Variants in EPHA3 observed in about 807,000 individuals in gnomAD.
EPHA3 encodes ephrin type-A receptor 3.
Under a neutral mutation model 107.1 loss-of-function variants are expected in EPHA3, and 42 were observed. The ratio of observed to expected loss-of-function variants is 0.39; its 90% CI spans 0.31 to 0.51. The LOEUF (loss-of-function observed/expected upper bound fraction) is 0.51. EPHA3 is among the 20% of genes least tolerant of loss of function. EPHA3 has a pLI of 0.78. For synonymous variants in EPHA3, 461 were observed against 424.8 expected (o/e 1.09, Z -1.05); for missense variants, 1,183 against 1,211.2 (o/e 0.98, Z 0.35).
intron 7 of EPHA3, among the ~76,000 whole-genome samples, chr3:89,405,804 G>T: frequency 6.6e-6 from 1 of 152,140 alleles, no homozygotes; most frequent in East Asian, 1.9e-4. Context: ...GAGCATAAAA[G>T]AGGCTGTTCC....
intron 2 of EPHA3, among the ~76,000 whole-genome samples, chr3:89,159,365 G>A (rs1194412213): frequency 6.6e-6 from 1 of 152,072 alleles, no homozygotes; most frequent in African/African-American, 2.4e-5. Flanking sequence ...ACCCAGCTCA[G>A]AAAGTGGCTA....
chr3:89,143,074 A>C (rs1367935265), intron 2 of EPHA3, among the ~76,000 whole-genome samples: 2 of 151,198 alleles, frequency 1.3e-5, no homozygotes, highest in African/African-American at 4.8e-5. Context: ...AAAAAATGAA[A>C]AGGTTACCTG....
At chr3:89,216,149 T>C (rs1576238103) in intron 3 of EPHA3, among the ~76,000 whole-genome samples, 2 of 152,082 alleles carry the variant, frequency 1.3e-5, no homozygotes, top group East Asian at 3.9e-4. Flanking sequence ...GCAGTTTATT[T>C]GTTTGAGAGA....
rs1443587895 is a variant in EPHA3, at chr3:89,408,140, C to G, written c.1762+9C>G. On this transcript the variant is annotated intron_variant, in intron 9 of 16. Transcript: ENST00000336596. ...TTTTGGCAATGGGCATTGTAAGTTTCTAAACTTGGCTTTTTGTTTTGCTTC... is the reference window on the plus strand; with the variant it reads ...TTTTGGCAATGGGCATTGTAAGTTTGTAAACTTGGCTTTTTGTTTTGCTTC... 1.2e-6 allele frequency: 2 copies of G among 1,612,018 alleles called. 1 individual carries two copies. The highest frequency in any genetic ancestry group is 2.2e-5 in the South Asian group (2 of 90,958).
At chr3:89,431,817 T>C (rs1032337938) in intron 13 of EPHA3, among the ~76,000 whole-genome samples, 6 of 152,180 alleles carry the variant, frequency 3.9e-5, no homozygotes, top group African/African-American at 1.4e-4. Flanking sequence ...TTGTCCATAA[T>C]TGTGCCATCC....
intron 3 of EPHA3, among the ~76,000 whole-genome samples, chr3:89,293,907 T>A (rs1706280023): frequency 6.6e-6 from 1 of 152,122 alleles, no homozygotes; most frequent in South Asian, 2.1e-4. Context: ...GTGAAAGCAA[T>A]CACAAAAATA....
intron 7 of EPHA3, among the ~76,000 whole-genome samples, chr3:89,406,846 AT>A (rs1393498867): frequency 1.3e-5 from 2 of 152,154 alleles, no homozygotes; most frequent in Non-Finnish European, 2.9e-5. Flanking sequence ...GAATATGGAT[AT>A]TGGAGTTAAA....
intron 10 of EPHA3, among the ~76,000 whole-genome samples, chr3:89,414,501 C>A (rs1215366167): frequency 2.0e-5 from 3 of 151,634 alleles, no homozygotes. Flanking sequence ...GTCCTGACTT[C>A]TGAACAGCTC....
chr3:89,325,961 C>A (rs921095907), intron 3 of EPHA3, among the ~76,000 whole-genome samples: 5 of 150,492 alleles, frequency 3.3e-5, no homozygotes, highest in African/African-American at 1.2e-4. Flanking sequence ...AAAATGAAAT[C>A]TTTAATATAA....
At chr3:89,218,090 G>C (rs962143056) in intron 3 of EPHA3, among the ~76,000 whole-genome samples, 8 of 152,010 alleles carry the variant, frequency 5.3e-5, no homozygotes, top group African/African-American at 1.7e-4. Flanking sequence ...TATTGAATTG[G>C]GGGGAAGGAG....
chr3:89,320,076 AT>A (rs1707007367), intron 3 of EPHA3, among the ~76,000 whole-genome samples: 4 of 152,022 alleles, frequency 2.6e-5, no homozygotes, highest in Non-Finnish European at 2.9e-5. Flanking sequence ...ATTGAAAAAA[AT>A]AGCATAATTC....
chr3:89,219,707 T>TG (rs1559606395), intron 3 of EPHA3, among the ~76,000 whole-genome samples: 1 of 19,574 alleles, frequency 5.1e-5, no homozygotes, highest in East Asian at 1.5e-3. Flanking sequence ...TTTTTTGTTT[T>TG]TTGTTTTTTT....
chr3:89,371,601 T>C (rs1030947800), intron 5 of EPHA3, among the ~76,000 whole-genome samples: 2 of 151,690 alleles, frequency 1.3e-5, no homozygotes, highest in African/African-American at 4.8e-5. Context: ...TCCAGTTCAG[T>C]AATACACAAC....
rs529599016 is a variant in EPHA3, at chr3:89,364,602, C to A, written c.1306+22512C>A. On this transcript the variant is annotated intron_variant, in intron 5 of 16. Transcript: ENST00000336596. ...CTTGCAGAAAGAGAAGTTGGATAAA[C>A]CCTTGTTAAAAAACCAGATATATTT... Among the ~76,000 whole-genome samples, 29 of 151,308 alleles carry A rather than the reference C, an allele frequency of 1.9e-4. No individual in the cohort carries two copies. In the East Asian group the frequency reaches 5.3e-3, roughly 27 times the overall value.
rs1417400749 is a variant in EPHA3, at chr3:89,370,046, T to G, written c.1307-25791T>G. Among the ~76,000 whole-genome samples the G allele has an allele frequency of 8.0e-5, 12 of 150,752 alleles. 1 individual carries two copies. The highest frequency in any genetic ancestry group is 2.1e-4 in the South Asian group (1 of 4,788). On this transcript the variant is annotated intron_variant, in intron 5 of 16. Coordinates refer to ENST00000336596, the MANE Select transcript of EPHA3 (RefSeq NM_005233.6). ...GGATGTGGAGAAATAGGAACACTTT[T>G]ACAATGTTGGTGGGACTGTAAACTA...
chr3:89,194,584 T>A lies in EPHA3; in HGVS notation c.154-15276T>A, dbSNP rs528001371. ...TTTTTCTATTCAATAATAAAATTGT[T>A]AGGACAAAATCTCTGTATCTGCTTT... On this transcript the variant is annotated intron_variant, in intron 2 of 16. Coordinates refer to ENST00000336596, the MANE Select transcript of EPHA3 (RefSeq NM_005233.6). 7.9e-5 allele frequency among the ~76,000 whole-genome samples: 12 copies of A among 152,228 alleles called. No individual in the cohort carries two copies. The South Asian group carries it at 2.5e-3, about 32-fold the overall frequency.
chr3:89,330,457 A>G (rs1234640953), intron 3 of EPHA3, among the ~76,000 whole-genome samples: 1 of 152,092 alleles, frequency 6.6e-6, no homozygotes, highest in Non-Finnish European at 1.5e-5. Context: ...ATATTATCAC[A>G]TAAGTCATAG....
intron 5 of EPHA3, among the ~76,000 whole-genome samples, chr3:89,379,800 T>G (rs2107482504): frequency 6.6e-6 from 1 of 152,350 alleles, no homozygotes; most frequent in South Asian, 2.1e-4. Context: ...GTCCCATTTT[T>G]TCAAGCCAAA....
intron 5 of EPHA3, among the ~76,000 whole-genome samples, chr3:89,361,362 G>A (rs1708087331): frequency 6.6e-6 from 1 of 150,806 alleles, no homozygotes; most frequent in Admixed American, 6.7e-5. Flanking sequence ...CAGATGTTCA[G>A]TACATGATAT....
Sources: allele counts gnomAD v4.1 joint callset (sites outside exome capture counted in the v4.1 genomes callset), GRCh38; gene constraint gnomAD v4.1.1; transcripts MANE v1.5; gene names NCBI Gene and HGNC (gene_info 2026-07-23, HGNC 2026-07-21).